Variants in NUP62CL observed in about 807,000 individuals in gnomAD.
NUP62CL encodes the protein nucleoporin-62 C-terminal-like protein.
In NUP62CL, 13 loss-of-function variants were observed where a neutral mutation model predicts 15.3. The observed-to-expected ratio is 0.85, with a 90% CI of 0.55 to 1.35. The LOEUF (loss-of-function observed/expected upper bound fraction) is 1.35, where lower values mean the gene tolerates loss of function less well. Ranked by LOEUF, NUP62CL falls within the 40% of genes most tolerant of loss-of-function variation. The probability of loss-of-function intolerance (pLI) is 0.00; values close to 1 mark genes in which losing one functional copy is unlikely to be tolerated. For missense variants in NUP62CL, 123 were observed against 130.6 expected (o/e 0.94, Z 0.28); for synonymous variants, 54 against 49.2 (o/e 1.10, Z -0.41).
At chrX:107,180,457 C>T (rs1052937043) in intron 2 of NUP62CL, among the ~76,000 whole-genome samples, 3 of 111,613 alleles carry the variant, frequency 2.7e-5, no homozygotes, top group Admixed American at 9.5e-5. Context: ...TGGAATACTA[C>T]GATCCTATAA....
At chrX:107,185,841 A>G (rs1927047822) in intron 2 of NUP62CL, among the ~76,000 whole-genome samples, 1 of 111,875 alleles carries the variant, frequency 8.9e-6, no homozygotes, top group Non-Finnish European at 1.9e-5. Flanking sequence ...AGTCACTTCA[A>G]AAGTAATGAT....
intron 4 of NUP62CL, among the ~76,000 whole-genome samples, chrX:107,165,025 T>C (rs978479116): frequency 4.5e-4 from 51 of 112,343 alleles, no homozygotes; most frequent in African/African-American, 1.6e-3. Context: ...GGCGTGAACC[T>C]GGGAGGCGGA....
chrX:107,193,232 C>T (rs939908928), intron 1 of NUP62CL, among the ~76,000 whole-genome samples, 160 bp from the exon 2 acceptor site: 1 of 112,081 alleles, frequency 8.9e-6, no homozygotes, highest in African/African-American at 3.2e-5. Flanking sequence ...TTTTTTAATA[C>T]AAAGCAAAGT....
chrX:107,141,952 C>T (rs1255656317), intron 8 of NUP62CL, among the ~76,000 whole-genome samples: 1 of 108,992 alleles, frequency 9.2e-6, no homozygotes, highest in African/African-American at 3.4e-5. Context: ...CCCAGCTACT[C>T]GGGAGGCAGA....
At chrX:107,149,525 T>C (rs1442617259) in intron 7 of NUP62CL, among the ~76,000 whole-genome samples, 1 of 88,450 alleles carries the variant, frequency 1.1e-5, no homozygotes, top group Non-Finnish European at 2.0e-5. Context: ...TCATTTAGTC[T>C]ATCCTTGACA....
intron 4 of NUP62CL, among the ~76,000 whole-genome samples, chrX:107,156,489 C>T (rs1602646426): frequency 9.4e-6 from 1 of 106,377 alleles, no homozygotes; most frequent in African/African-American, 3.4e-5. Context: ...CCCGAGCAGC[C>T]TAACTGGGAG....
intron 8 of NUP62CL, among the ~76,000 whole-genome samples, chrX:107,143,135 C>A (rs1456749875): frequency 9.0e-6 from 1 of 111,701 alleles, no homozygotes; most frequent in African/African-American, 3.3e-5. Flanking sequence ...AAGAAAGGGG[C>A]CTAGTTCTCT....
chrX:107,159,206 G>A (rs1237666165), intron 4 of NUP62CL, among the ~76,000 whole-genome samples: 2 of 17,935 alleles, frequency 1.1e-4, no homozygotes, highest in Non-Finnish European at 1.5e-4. Context: ...GAGGTACAAG[G>A]AGGAACTGGT....
At chrX:107,195,268 T>C (rs1399379919) in intron 1 of NUP62CL, among the ~76,000 whole-genome samples, 2 of 112,103 alleles carry the variant, frequency 1.8e-5, no homozygotes, top group Admixed American at 9.5e-5. Flanking sequence ...TCCTTTTGTC[T>C]CCCATTTCAG....
At chrX:107,157,148 C>T (rs182385589) in intron 4 of NUP62CL, among the ~76,000 whole-genome samples, 1,379 of 110,411 alleles carry the variant, frequency 0.012, 9 homozygotes, top group Non-Finnish European at 0.019. Flanking sequence ...AAATCTACGT[C>T]TGATTGGTGT....
chrX:107,183,964 G>A (rs761475955), intron 2 of NUP62CL, among the ~76,000 whole-genome samples: 2 of 109,991 alleles, frequency 1.8e-5, no homozygotes, highest in Non-Finnish European at 3.8e-5. Flanking sequence ...AAACCATGTC[G>A]GGGGCAGGAA....
At chrX:107,129,091 G>C (rs1255222043) in intron 8 of NUP62CL, among the ~76,000 whole-genome samples, 1 of 111,618 alleles carries the variant, frequency 9.0e-6, no homozygotes, top group Non-Finnish European at 1.9e-5. Context: ...TAGCAGTAAA[G>C]ATATTTTTAA....
chrX:107,195,531 G>GA (rs1318886550), intron 1 of NUP62CL, among the ~76,000 whole-genome samples: 1 of 112,126 alleles, frequency 8.9e-6, no homozygotes, highest in Non-Finnish European at 1.9e-5. Context: ...GTTAAGACAT[G>GA]AAAAAAATGT....
At chrX:107,164,955 A>G (rs1221883400) in intron 4 of NUP62CL, among the ~76,000 whole-genome samples, 2 of 111,987 alleles carry the variant, frequency 1.8e-5, no homozygotes, top group African/African-American at 6.5e-5. Flanking sequence ...AAAAAAATTA[A>G]CTGGGCGTGG....
intron 1 of NUP62CL, among the ~76,000 whole-genome samples, chrX:107,195,630 A>C (rs1927344443): frequency 8.9e-6 from 1 of 112,170 alleles, no homozygotes; most frequent in Non-Finnish European, 1.9e-5. Flanking sequence ...ACTCTGAAGG[A>C]CAACATTTAT....
chrX:107,151,528 C>CAT (rs1180410358), intron 7 of NUP62CL, among the ~76,000 whole-genome samples: 2 of 109,438 alleles, frequency 1.8e-5, no homozygotes, highest in African/African-American at 6.7e-5. Flanking sequence ...CACACACACA[C>CAT]ACACACACAC....
In NUP62CL at chrX:107,206,313, C is replaced by A. The variant is rs371666759; in HGVS notation, c.-132G>T. The A allele has an allele frequency of 4.5e-5, 5 of 111,169 alleles. No homozygotes were observed. In the Admixed American group the frequency reaches 4.8e-4, roughly 11 times the overall value. 9.2% of individuals were successfully genotyped at this position (111,169 alleles called of 1,213,427 possible). The stretch of plus-strand genomic sequence containing the variant: ...CCGCCGCTCGCTGTCCGGCCCTGAA[C>A]TATACGGGCAGGCCTCCGAGACTGC... On this transcript the variant is annotated 5_prime_UTR_variant, in exon 1 of 9. Coordinates refer to ENST00000372466, the MANE Select transcript of NUP62CL (RefSeq NM_017681.3).
intron 4 of NUP62CL, among the ~76,000 whole-genome samples, chrX:107,161,951 C>T (rs981856929): frequency 4.7e-5 from 5 of 105,517 alleles, no homozygotes; most frequent in African/African-American, 6.9e-5. Context: ...AATTTTAAAG[C>T]GACCATCAAA....
chrX:107,141,920 T>A (rs1031121711), intron 8 of NUP62CL, among the ~76,000 whole-genome samples: 36 of 108,696 alleles, frequency 3.3e-4, no homozygotes, highest in African/African-American at 1.1e-3. Flanking sequence ...ATTAGCCGGG[T>A]ATGGTGGTGC....
Sources: gnomAD v4.1 joint callset for allele counts (sites outside exome capture counted in the v4.1 genomes callset) on GRCh38, gnomAD v4.1.1 for gene constraint, MANE v1.5 for transcripts, NCBI Gene and HGNC (gene_info 2026-07-23, HGNC 2026-07-21) for gene names.